LPP: variants seen among roughly 807,000 people sequenced by gnomAD.
The protein encoded by LPP is LIM domain containing preferred translocation partner in lipoma.
A neutral mutation model predicts 60.4 loss-of-function variants in LPP; 38 were observed. That is an observed-to-expected ratio of 0.63 (90% CI 0.49 to 0.83). The LOEUF is 0.83. LPP is among the 40% of genes least tolerant of loss of function. LPP has a pLI of 0.00. For missense variants in LPP, 902 were observed against 783.6 expected (o/e 1.15, Z -1.80); for synonymous variants, 328 against 290.8 (o/e 1.13, Z -1.30).
At chr3:188,512,989 G>T (rs959690239) in intron 5 of LPP, among the ~76,000 whole-genome samples, 1 of 152,084 alleles carries the variant, frequency 6.6e-6, no homozygotes, top group African/African-American at 2.4e-5. Flanking sequence ...CACATCTCCA[G>T]CCCCCTCACC....
At chr3:188,702,862 G>T (rs571490463) in intron 7 of LPP, among the ~76,000 whole-genome samples, 2 of 152,012 alleles carry the variant, frequency 1.3e-5, no homozygotes, top group African/African-American at 2.4e-5. Flanking sequence ...CCAAACAGCC[G>T]CACAGTAAGA....
intron 6 of LPP, among the ~76,000 whole-genome samples, chr3:188,593,673 T>C (rs1839407992): frequency 1.3e-5 from 2 of 152,214 alleles, no homozygotes; most frequent in South Asian, 4.1e-4. Context: ...AGCTCCCACA[T>C]ATCAGTGAGA....
rs1413792543 is a variant in LPP, at chr3:188,889,362, TAGG to T, written c.*14886_*14888del. On this transcript the variant is annotated 3_prime_UTR_variant, in exon 12 of 12. Coordinates refer to ENST00000617246, the MANE Select transcript of LPP (RefSeq NM_001375462.1). ...GGACGAGGTAGACAGTGCATGATTG[TAGG>T]AGAAGGGTTGAAGGGAGGACATGAT... 1 of 231,668 alleles carries T rather than the reference TAGG, an allele frequency of 4.3e-6. No individual in the cohort carries two copies. The highest frequency in any genetic ancestry group is 8.5e-6 in the Non-Finnish European group (1 of 117,118). 14.4% of individuals were successfully genotyped at this position (231,668 alleles called of 1,614,324 possible).
At chr3:188,242,935 A>T (rs1396570870) in intron 2 of LPP, among the ~76,000 whole-genome samples, 1 of 152,220 alleles carries the variant, frequency 6.6e-6, no homozygotes, top group East Asian at 1.9e-4. Flanking sequence ...TGATGTTTTC[A>T]GAGAGAGAAC....
At chr3:188,318,662 C>G (rs76457392) in intron 2 of LPP, among the ~76,000 whole-genome samples, 2,296 of 148,070 alleles carry the variant, frequency 0.016, 55 homozygotes, top group African/African-American at 0.054. Context: ...TTTTCTTATT[C>G]TTTTCGACTT....
intron 3 of LPP, among the ~76,000 whole-genome samples, chr3:188,363,375 C>T (rs1770100320): frequency 6.6e-6 from 1 of 152,206 alleles, no homozygotes; most frequent in African/African-American, 2.4e-5. Context: ...GATGTTCAGC[C>T]TCACTGCTCT....
rs7643171 is a variant in LPP, at chr3:188,771,576, A to G, written c.1410+11294A>G. On this transcript the variant is annotated intron_variant, in intron 9 of 11. Coordinates refer to ENST00000617246, the MANE Select transcript of LPP (RefSeq NM_001375462.1). ...AAAAAAAAAAAAAAAAGAAAGAAAG[A>G]AAGAAAGGGAGAAAGAAAGAAAGAA... Among the ~76,000 whole-genome samples the G allele has an allele frequency of 8.6e-3, 1,121 of 130,308 alleles. 1 individual carries two copies. The highest frequency in any genetic ancestry group is 0.014 in the Non-Finnish European group (859 of 62,886). 85.5% of individuals were successfully genotyped at this position (130,308 alleles called of 152,430 possible).
chr3:188,700,061 A>G (rs1049440093), intron 7 of LPP, among the ~76,000 whole-genome samples: 12 of 152,196 alleles, frequency 7.9e-5, no homozygotes, highest in African/African-American at 2.9e-4. Context: ...TTTTTCAAGA[A>G]CACATAATTG....
At chr3:188,637,772 G>A (rs1849133638) in intron 7 of LPP, among the ~76,000 whole-genome samples, 1 of 152,148 alleles carries the variant, frequency 6.6e-6, no homozygotes, top group African/African-American at 2.4e-5. Context: ...AGAAGAAATG[G>A]ATAAATTCCT....
intron 9 of LPP, among the ~76,000 whole-genome samples, chr3:188,826,432 G>C (rs193123146): frequency 6.6e-6 from 1 of 152,264 alleles, no homozygotes; most frequent in African/African-American, 2.4e-5. Flanking sequence ...TACATTTTAA[G>C]ATAGACATTT....
chr3:188,806,934 AAAT>A (rs1360966181), intron 9 of LPP, among the ~76,000 whole-genome samples: 1 of 151,920 alleles, frequency 6.6e-6, no homozygotes, highest in Non-Finnish European at 1.5e-5. Flanking sequence ...GAGCAATTAA[AAAT>A]AATGAGAAAG....
At chr3:188,688,844 T>G (rs750403936) in intron 7 of LPP, 5 of 525,076 alleles carry the variant, frequency 9.5e-6, no homozygotes, top group Non-Finnish European at 1.9e-5. Flanking sequence ...CACTAGATTG[T>G]GAGCTCCTGG....
chr3:188,436,076 T>C (rs2149206774), intron 4 of LPP, among the ~76,000 whole-genome samples: 1 of 152,346 alleles, frequency 6.6e-6, no homozygotes, highest in East Asian at 1.9e-4. Flanking sequence ...TTTACATTCA[T>C]AGCACACACA....
At chr3:188,373,450 AT>A (rs1230107421) in intron 3 of LPP, among the ~76,000 whole-genome samples, 1 of 152,188 alleles carries the variant, frequency 6.6e-6, no homozygotes, top group Non-Finnish European at 1.5e-5. Context: ...CATTTCTCTG[AT>A]GGCCAGTGAT....
chr3:188,559,273 C>T (rs1412436655), intron 6 of LPP, among the ~76,000 whole-genome samples: 1 of 152,040 alleles, frequency 6.6e-6, no homozygotes, highest in Non-Finnish European at 1.5e-5. Flanking sequence ...AGATTATTCA[C>T]ACATTTTTGA....
chr3:188,743,418 G>C (rs1159925482), intron 8 of LPP, among the ~76,000 whole-genome samples: 1 of 151,956 alleles, frequency 6.6e-6, no homozygotes, highest in African/African-American at 2.4e-5. Context: ...CAGAGGAAGA[G>C]AATCCTTAGG....
intron 8 of LPP, among the ~76,000 whole-genome samples, chr3:188,717,443 G>T (rs1346869829): frequency 1.3e-5 from 2 of 152,158 alleles, no homozygotes; most frequent in Non-Finnish European, 2.9e-5. Flanking sequence ...ATGACTCCAG[G>T]TAGGCAGCTA....
At chr3:188,268,421 G>A (rs941473858) in intron 2 of LPP, among the ~76,000 whole-genome samples, 6 of 152,248 alleles carry the variant, frequency 3.9e-5, no homozygotes, top group Non-Finnish European at 8.8e-5. Context: ...ATCTGGCACT[G>A]CCATTTGGTT....
At chr3:188,338,324 C>A (rs896097581) in intron 2 of LPP, among the ~76,000 whole-genome samples, 16 of 152,172 alleles carry the variant, frequency 1.1e-4, no homozygotes, top group African/African-American at 3.9e-4. Context: ...GAATGCAGGG[C>A]AGTCCATATT....
Sources: gnomAD v4.1 joint callset for allele counts (sites outside exome capture counted in the v4.1 genomes callset) on GRCh38, gnomAD v4.1.1 for gene constraint, MANE v1.5 for transcripts, NCBI Gene and HGNC (gene_info 2026-07-23, HGNC 2026-07-21) for gene names.